NUDT3: variants seen among roughly 807,000 people sequenced by gnomAD.
NUDT3 encodes the protein nudix hydrolase 3, also known as diphosphoinositol polyphosphate phosphohydrolase 1.
A neutral mutation model predicts 23.6 loss-of-function variants in NUDT3; 9 were observed. The observed-to-expected ratio is 0.38, with a 90% CI of 0.23 to 0.66. The LOEUF (loss-of-function observed/expected upper bound fraction) is 0.66. NUDT3 is among the 30% of genes least tolerant of loss of function. The pLI is 0.52. For synonymous variants in NUDT3, 86 were observed against 82.6 expected, an observed-to-expected ratio of 1.04 and a Z score of -0.22; for missense variants, 172 against 218.5, an observed-to-expected ratio of 0.79 and a Z score of 1.34.
intron 2 of NUDT3, 53 bp downstream of exon 2, chr6:34,341,809 G>A (rs1033151574): frequency 5.2e-6 from 8 of 1,530,914 alleles, no homozygotes; most frequent in Non-Finnish European, 6.3e-6. Flanking sequence ...TACACAGATA[G>A]GACAGGTTCA....
rs192916880 is a variant in NUDT3 at position 34,391,242 on chromosome 6, C to A, written c.99+1022G>T. ...CTGCACTGTACTGCGGCCCTGCCAC[C>A]ATAGCCCACTGCTGAATCCAATATA... On this transcript the variant is annotated intron_variant, in intron 1 of 4. Coordinates refer to ENST00000607016, the MANE Select transcript of NUDT3 (RefSeq NM_006703.4). Among the ~76,000 whole-genome samples the A allele has an allele frequency of 3.3e-3, 503 of 152,300 alleles. 5 individuals are homozygous for A. Among genetic ancestry groups the A allele is most frequent in the Admixed American group, 7.6e-3 (116 of 15,290 alleles).
intron 2 of NUDT3, among the ~76,000 whole-genome samples, chr6:34,303,384 G>A (rs138468297): frequency 6.6e-6 from 1 of 151,802 alleles, no homozygotes; most frequent in East Asian, 1.9e-4. Flanking sequence ...CGTTTTCTAA[G>A]TTAATAATCA....
intron 2 of NUDT3, among the ~76,000 whole-genome samples, chr6:34,341,477 A>G (rs1764287269): frequency 6.6e-6 from 1 of 152,210 alleles, no homozygotes; most frequent in African/African-American, 2.4e-5. Context: ...TGCAGTAAGC[A>G]CAGGAAAACA....
chr6:34,284,752 C>T lies in NUDT3; in HGVS notation c.*4001G>A, dbSNP rs906488820. On this transcript the variant is annotated 3_prime_UTR_variant, in exon 5 of 5. Transcript: ENST00000607016. ...AGGAGCAGGAGGAGGAACAGATCTG[C>T]ACAGAATTTTTTTCTTAAAAACCAC... 5.9e-5 allele frequency: 9 copies of T among 152,098 alleles called. No individual in the cohort carries two copies. Among genetic ancestry groups the T allele is most frequent in the African/African-American group, 2.2e-4 (9 of 41,408 alleles). 9.4% of individuals were successfully genotyped at this position (152,098 alleles called of 1,614,324 possible). A position where few individuals can be genotyped will look rare whatever the true frequency, so the allele number is the denominator to read the frequency against.
At chr6:34,301,579 C>T (rs1314236713) in intron 2 of NUDT3, among the ~76,000 whole-genome samples, 1 of 152,250 alleles carries the variant, frequency 6.6e-6, no homozygotes, top group Non-Finnish European at 1.5e-5. Context: ...GGCTGAGTGG[C>T]CTACAGCCAG....
At chr6:34,316,049 T>C (rs1763852885) in intron 2 of NUDT3, among the ~76,000 whole-genome samples, 1 of 152,192 alleles carries the variant, frequency 6.6e-6, no homozygotes, top group Admixed American at 6.5e-5. Context: ...CTTTGTTTCG[T>C]AGAGACAGGT....
At chr6:34,390,266 C>A (rs913757939) in intron 1 of NUDT3, among the ~76,000 whole-genome samples, 1 of 151,464 alleles carries the variant, frequency 6.6e-6, no homozygotes, top group African/African-American at 2.4e-5. Context: ...TGCACTCCAG[C>A]CTGGGCGACA....
At chr6:34,384,961 G>T (rs1207747097) in intron 1 of NUDT3, among the ~76,000 whole-genome samples, 1 of 150,986 alleles carries the variant, frequency 6.6e-6, no homozygotes, top group Non-Finnish European at 1.5e-5. Context: ...CCTGGGAGGT[G>T]GAAGCTGCAG....
intron 4 of NUDT3, among the ~76,000 whole-genome samples, chr6:34,292,292 G>C (rs998346815): frequency 1.3e-5 from 2 of 152,214 alleles, no homozygotes; most frequent in African/African-American, 4.8e-5. Flanking sequence ...AACAATGTGA[G>C]GGGCATGGCG....
chr6:34,304,680 G>C (rs1005358346), intron 2 of NUDT3, among the ~76,000 whole-genome samples: 17 of 150,246 alleles, frequency 1.1e-4, no homozygotes, highest in African/African-American at 4.2e-4. Context: ...TTTTTTTGGA[G>C]AAAGGCTCTT....
At chr6:34,354,253 C>A (rs1176213354) in intron 1 of NUDT3, among the ~76,000 whole-genome samples, 1 of 152,000 alleles carries the variant, frequency 6.6e-6, no homozygotes, top group Non-Finnish European at 1.5e-5. Flanking sequence ...TCACGGGATC[C>A]ACCCACCTTA....
intron 2 of NUDT3, among the ~76,000 whole-genome samples, chr6:34,324,925 G>A (rs770050489): frequency 2.6e-5 from 4 of 152,206 alleles, no homozygotes; most frequent in Non-Finnish European, 4.4e-5. Context: ...ACTCGGCCAC[G>A]TGAGCACAGA....
intron 2 of NUDT3, among the ~76,000 whole-genome samples, chr6:34,318,841 G>A (rs1341756575): frequency 6.6e-6 from 1 of 152,074 alleles, no homozygotes; most frequent in Non-Finnish European, 1.5e-5. Context: ...GGGATTATAG[G>A]TGTGAGCCAC....
intron 2 of NUDT3, among the ~76,000 whole-genome samples, chr6:34,325,198 CT>C (rs1213029906): frequency 6.6e-6 from 1 of 152,058 alleles, no homozygotes; most frequent in African/African-American, 2.4e-5. Flanking sequence ...ACATGATATG[CT>C]TTCACTGATT....
intron 2 of NUDT3, among the ~76,000 whole-genome samples, chr6:34,321,962 C>T (rs1331714278): frequency 2.0e-5 from 3 of 152,130 alleles, no homozygotes; most frequent in Non-Finnish European, 4.4e-5. Flanking sequence ...TGTTGTTTTA[C>T]CGCTTCTTGT....
chr6:34,352,406 ACAATC>A (rs1764492309), intron 1 of NUDT3, among the ~76,000 whole-genome samples: 1 of 152,164 alleles, frequency 6.6e-6, no homozygotes, highest in Non-Finnish European at 1.5e-5. Context: ...CTGAGCTCAA[ACAATC>A]CATCTGTTTC....
Position 34,343,065 on chromosome 6 carries a change from G to A in NUDT3, c.100-1093C>T, listed in dbSNP as rs569015037. ...TTCAGAGAAGATCATGGTGTTATGGGAAGGAAATCCATGAATCCATACTCA... is the reference window on the plus strand; with the variant it reads ...TTCAGAGAAGATCATGGTGTTATGGAAAGGAAATCCATGAATCCATACTCA... On this transcript the variant is annotated intron_variant, in intron 1 of 4. Transcript: ENST00000607016. 1.8e-4 allele frequency among the ~76,000 whole-genome samples: 27 copies of A among 152,262 alleles called. No homozygotes were observed. The South Asian group carries it at 3.5e-3, about 20-fold the overall frequency.
At position 34,293,450 on chromosome 6, in the gene NUDT3, C is replaced by T; in HGVS notation, c.340+1G>A. ...TTCCAGGCTGTCTGGAGATGGCTTA[C>T]CAATGTTAACTGAATCTTCCCAGTC... is the stretch of plus-strand genomic sequence containing the variant. On this transcript the variant is annotated splice_donor_variant, in intron 4 of 4. Coordinates refer to ENST00000607016, the MANE Select transcript of NUDT3 (RefSeq NM_006703.4). LOFTEE classifies it high-confidence loss of function. The T allele has an allele frequency of 6.2e-7, 1 of 1,614,130 alleles. No homozygotes were observed. The highest frequency in any genetic ancestry group is 8.5e-7 in the Non-Finnish European group (1 of 1,179,988).
rs76073419 is a variant in NUDT3, at chr6:34,309,567, T to C, written c.211-13882A>G. ...CAAAGAAGTTGAGAAAGAAAATCAA[T>C]TGAGAGGATGAACATAACCCAAAAC... On this transcript the variant is annotated intron_variant, in intron 2 of 4. Coordinates refer to ENST00000607016, the MANE Select transcript of NUDT3 (RefSeq NM_006703.4). Among the ~76,000 whole-genome samples, 1,212 of 151,828 alleles carry C rather than the reference T, an allele frequency of 8.0e-3. 8 individuals carry two copies. Among genetic ancestry groups the C allele is most frequent in the Admixed American group, 0.014 (214 of 15,256 alleles).
Sources: gnomAD v4.1 joint callset for allele counts (sites outside exome capture counted in the v4.1 genomes callset) on GRCh38, gnomAD v4.1.1 for gene constraint, MANE v1.5 for transcripts, NCBI Gene and HGNC (gene_info 2026-07-23, HGNC 2026-07-21) for gene names.